Variants in PTPRA observed in about 807,000 individuals in gnomAD.
PTPRA encodes the protein protein tyrosine phosphatase receptor type A, also known as receptor-type tyrosine-protein phosphatase alpha.
In PTPRA, 25 loss-of-function variants were observed where a neutral mutation model predicts 104.8. The ratio of observed to expected loss-of-function variants is 0.24; its 90% CI spans 0.17 to 0.33. The LOEUF is 0.33. PTPRA is among the 10% of genes least tolerant of loss of function. The pLI is 1.00. For missense variants in PTPRA, 765 were observed against 1,015.3 expected (o/e 0.75, Z 3.35); for synonymous variants, 323 against 368.9 (o/e 0.88, Z 1.43).
intron 9 of PTPRA, among the ~76,000 whole-genome samples, chr20:3,001,542 G>A (rs2063626100): frequency 6.6e-6 from 1 of 152,166 alleles, no homozygotes; most frequent in South Asian, 2.1e-4. Context: ...TAGCCATCAG[G>A]GCTTAAAAAA....
upstream of PTPRA, among the ~76,000 whole-genome samples, chr20:2,869,405 A>C (rs1056230647): frequency 6.6e-6 from 1 of 152,224 alleles, no homozygotes; most frequent in African/African-American, 2.4e-5. Flanking sequence ...AAGTTTTGAC[A>C]GATGTATAAG....
chr20:2,934,669 C>CTTTT (rs756152103), intron 2 of PTPRA, among the ~76,000 whole-genome samples: 16 of 127,200 alleles, frequency 1.3e-4, no homozygotes, highest in East Asian at 2.3e-4. Context: ...CAATTAGAAC[C>CTTTT]TTTTTTTTTT....
At chr20:2,959,729 G>A (rs929131445) in intron 3 of PTPRA, among the ~76,000 whole-genome samples, 1 of 152,138 alleles carries the variant, frequency 6.6e-6, no homozygotes, top group Admixed American at 6.5e-5. Context: ...AAGGTGGGCA[G>A]ATCACAAGGT....
intron 2 of PTPRA, among the ~76,000 whole-genome samples, chr20:2,934,783 T>C (rs1352396510): frequency 6.6e-6 from 1 of 150,822 alleles, no homozygotes; most frequent in Non-Finnish European, 1.5e-5. Flanking sequence ...GCAATTCTCC[T>C]GTCTCAGCCT....
upstream of PTPRA, among the ~76,000 whole-genome samples, chr20:2,868,618 CTTTTTTTTT>C (rs56081198): frequency 4.4e-5 from 2 of 45,210 alleles, no homozygotes; most frequent in South Asian, 1.0e-3. Context: ...TCATTCTGGG[CTTTTTTTTT>C]TTTTTTTTTT....
Position 2,965,211 on chromosome 20 carries a change from G to A in PTPRA, c.415+9G>A, listed in dbSNP as rs1232011050. On this transcript the variant is annotated intron_variant, in intron 5 of 23. Coordinates refer to ENST00000399903, the MANE Select transcript of PTPRA (RefSeq NM_001385305.1). ...AACTTTCCCTCCTTCAGGTACTAGA[G>A]ATGATTCTGTTTGTTCTTTTGCTCT... 4 of 1,582,850 alleles carry A rather than the reference G, an allele frequency of 2.5e-6. No individual in the cohort carries two copies. The highest frequency in any genetic ancestry group is 3.5e-6 in the Non-Finnish European group (4 of 1,156,836).
At chr20:2,865,370 C>G in the PTPRA span, 1 of 1,613,842 alleles carries the variant, frequency 6.2e-7, no homozygotes, top group South Asian at 1.1e-5. The surrounding 1 kb of genome is among the most constrained non-coding windows in gnomAD (Gnocchi z 5.2). Flanking sequence ...GCCTCTCCTG[C>G]AACACCTCCA....
chr20:2,932,067 T>G (rs1159000453), intron 2 of PTPRA, among the ~76,000 whole-genome samples: 1 of 152,136 alleles, frequency 6.6e-6, no homozygotes, highest in African/African-American at 2.4e-5. Context: ...CAAATAAAAT[T>G]TTGATGTGTG....
chr20:3,032,568 C>G (rs190075012), intron 20 of PTPRA, among the ~76,000 whole-genome samples: 6 of 150,796 alleles, frequency 4.0e-5, no homozygotes, highest in Non-Finnish European at 8.9e-5. Context: ...GAGATCGAGA[C>G]CAGCCTGGCC....
Position 2,950,559 on chromosome 20 carries a change from C to T in PTPRA, c.-7+2535C>T, listed in dbSNP as rs1300989508. Among the ~76,000 whole-genome samples, 2 of 151,546 alleles carry T rather than the reference C, an allele frequency of 1.3e-5. No homozygotes were observed. Among genetic ancestry groups the T allele is most frequent in the Admixed American group, 1.3e-4 (2 of 15,204 alleles). Reference sequence around the variant, plus strand: ...TCAGAAGGCTGAGGCAGGAGAATGGCGTGAACCCAGGAGGCGGAGGTTGCA... The same window carrying T: ...TCAGAAGGCTGAGGCAGGAGAATGGTGTGAACCCAGGAGGCGGAGGTTGCA... On this transcript the variant is annotated intron_variant, in intron 3 of 23. Coordinates refer to ENST00000399903, the MANE Select transcript of PTPRA (RefSeq NM_001385305.1). The surrounding 1 kb of genome is among the most constrained non-coding windows in gnomAD (Gnocchi z 4.0).
intron 1 of PTPRA, among the ~76,000 whole-genome samples, chr20:2,907,964 G>T (rs1180604200): frequency 6.6e-6 from 1 of 151,920 alleles, no homozygotes; most frequent in Non-Finnish European, 1.5e-5. Flanking sequence ...TCTGGAGAAA[G>T]CCTAGAGAAA....
At chr20:2,902,897 A>G (rs1173046519) in intron 1 of PTPRA, among the ~76,000 whole-genome samples, 2 of 152,198 alleles carry the variant, frequency 1.3e-5, no homozygotes, top group African/African-American at 4.8e-5. Flanking sequence ...ATGAAATATT[A>G]TGACTCCATA....
At chr20:3,003,192 T>C (rs766836885) in intron 9 of PTPRA, among the ~76,000 whole-genome samples, 2 of 152,232 alleles carry the variant, frequency 1.3e-5, no homozygotes, top group African/African-American at 4.8e-5. Flanking sequence ...TATATTGTCC[T>C]TGAGGGCGAG....
intron 1 of PTPRA, among the ~76,000 whole-genome samples, chr20:2,916,346 A>G (rs1763097652): frequency 6.6e-6 from 1 of 152,164 alleles, no homozygotes; most frequent in Non-Finnish European, 1.5e-5. Flanking sequence ...TTCAGTCCCA[A>G]GTTAATTTTT....
intron 1 of PTPRA, among the ~76,000 whole-genome samples, chr20:2,915,400 G>T (rs2059864151): frequency 6.6e-6 from 1 of 152,098 alleles, no homozygotes; most frequent in Non-Finnish European, 1.5e-5. Flanking sequence ...TTGGCCATTA[G>T]TATATATTCT....
At chr20:3,017,279 G>A (rs761767666) in intron 12 of PTPRA, among the ~76,000 whole-genome samples, 6 of 152,144 alleles carry the variant, frequency 3.9e-5, no homozygotes, top group Non-Finnish European at 5.9e-5. Flanking sequence ...TGGGAATTCC[G>A]TTAGCCTCTC....
intron 6 of PTPRA, among the ~76,000 whole-genome samples, chr20:2,978,368 A>G (rs961066177): frequency 2.6e-5 from 4 of 152,186 alleles, no homozygotes; most frequent in Non-Finnish European, 5.9e-5. Flanking sequence ...GCCAATAGGA[A>G]ACATTTAAAA....
At chr20:2,921,405 C>A (rs1600114252) in intron 1 of PTPRA, among the ~76,000 whole-genome samples, 1 of 146,238 alleles carries the variant, frequency 6.8e-6, no homozygotes, top group Non-Finnish European at 1.5e-5. Flanking sequence ...ACAGAGTATA[C>A]CAATTTAGCC....
chr20:2,947,295 A>G (rs1431149699), intron 2 of PTPRA, among the ~76,000 whole-genome samples: 1 of 152,182 alleles, frequency 6.6e-6, no homozygotes, highest in South Asian at 2.1e-4. Flanking sequence ...GATAAATAGC[A>G]TATTTCTCAG....
Sources: allele counts gnomAD v4.1 joint callset (sites outside exome capture counted in the v4.1 genomes callset), GRCh38; gene constraint gnomAD v4.1.1; non-coding constraint Gnocchi (gnomAD v3.1); transcripts MANE v1.5; gene names NCBI Gene and HGNC (gene_info 2026-07-23, HGNC 2026-07-21).